The following CAPN11 variants were observed in gnomAD, a reference collection of about 807,000 sequenced individuals.
CAPN11 encodes calpain-11.
In CAPN11, 108 loss-of-function variants were observed where a neutral mutation model predicts 105.3. The ratio of observed to expected loss-of-function variants is 1.03; its 90% CI spans 0.88 to 1.20. The LOEUF (loss-of-function observed/expected upper bound fraction) is 1.20. Among genes scored for constraint, CAPN11 ranks in the 50% most tolerant of loss-of-function variants. CAPN11 has a pLI of 0.00. For missense variants in CAPN11, 883 were observed against 924.8 expected (o/e 0.95, Z 0.59); for synonymous variants, 329 against 344.5 (o/e 0.96, Z 0.50).
chr6:44,172,039 C>A (rs1286529476), intron 4 of CAPN11, among the ~76,000 whole-genome samples: 1 of 152,206 alleles, frequency 6.6e-6, no homozygotes, highest in African/African-American at 2.4e-5. Context: ...GCACTCCAGC[C>A]TGGGTGACAC....
At chr6:44,162,181 C>G (rs111757201) in intron 1 of CAPN11, among the ~76,000 whole-genome samples, 2,072 of 152,156 alleles carry the variant, frequency 0.014, 45 homozygotes, top group African/African-American at 0.046. Flanking sequence ...TTCCACCCAG[C>G]TCAGATGGGA....
Position 44,183,944 on chromosome 6 carries a change from G to A in CAPN11, c.*12G>A. Reference sequence around the variant, plus strand: ...CCATGTGGGGATAGAGGCGCTGTAGGAGCCTGGTCATCTCTACCAGCAGCA... The same window carrying A: ...CCATGTGGGGATAGAGGCGCTGTAGAAGCCTGGTCATCTCTACCAGCAGCA... On this transcript the variant is annotated 3_prime_UTR_variant, in exon 23 of 23. Coordinates refer to ENST00000398776, the MANE Select transcript of CAPN11 (RefSeq NM_007058.4). The A allele has an allele frequency of 6.4e-7, 1 of 1,553,458 alleles. No individual in the cohort carries two copies. The highest frequency in any genetic ancestry group is 1.2e-5 in the South Asian group (1 of 84,186).
chr6:44,172,819 C>G, intron 5 of CAPN11, 121 bp from the exon 6 acceptor site: 1 of 1,179,956 alleles, frequency 8.5e-7, no homozygotes, highest in Non-Finnish European at 1.2e-6. Context: ...TTGCCTTTCC[C>G]TCTCTATTCA....
chr6:44,171,032 G>T lies in CAPN11; in HGVS notation c.409+1057G>T, dbSNP rs566886002. On this transcript the variant is annotated intron_variant, in intron 4 of 22. Coordinates refer to ENST00000398776, the MANE Select transcript of CAPN11 (RefSeq NM_007058.4). ...AGACCCCAGGGCCGCTGCTGTGGCC[G>T]CTGTGGCTCAGTAGGCTGGAGGGAC... is the stretch of plus-strand genomic sequence containing the variant. Among the ~76,000 whole-genome samples the T allele has an allele frequency of 7.9e-5, 12 of 152,306 alleles. No individual in the cohort carries two copies. In the South Asian group the frequency reaches 2.5e-3, roughly 32 times the overall value.
intron 3 of CAPN11, 109 bp from the exon 4 acceptor site, chr6:44,169,797 T>C (rs1270323807): frequency 2.2e-6 from 2 of 920,332 alleles, no homozygotes; most frequent in African/African-American, 3.3e-5. Context: ...CTGCCCCTCA[T>C]ATCTGTTCCC....
At chr6:44,178,386 G>T (rs1255673927) in intron 12 of CAPN11, among the ~76,000 whole-genome samples, 1 of 152,110 alleles carries the variant, frequency 6.6e-6, no homozygotes, top group Non-Finnish European at 1.5e-5. Context: ...AGAAAGCCCT[G>T]ATAAGCATTT....
intron 20 of CAPN11, 22 bp downstream of exon 20, chr6:44,183,041 G>T (rs778955590): frequency 1.2e-6 from 2 of 1,604,374 alleles, no homozygotes; most frequent in Non-Finnish European, 8.5e-7. Context: ...TCAGGAGTGG[G>T]CCTTGGGGCA....
At position 44,180,069 on chromosome 6, in the gene CAPN11, C is replaced by G. The variant is rs1301893514; in HGVS notation, c.1546C>G (p.Pro516Ala). The change falls in exon 14 of 23, where the codon CCG becomes GCG. Residue 516 changes from proline (P) to alanine (A), a missense_variant. Transcript: ENST00000398776. ...REVSSQLRLP[P>A]GEYIIIPSTF... ...GGTGAGCAGCCAACTCCGGCTGCCTCCGGGGGAATATATCATTATTCCCTC... is the reference window on the plus strand; with the variant it reads ...GGTGAGCAGCCAACTCCGGCTGCCTGCGGGGGAATATATCATTATTCCCTC... 3.1e-6 allele frequency: 5 copies of G among 1,613,138 alleles called. No homozygotes were observed. Among genetic ancestry groups the G allele is most frequent in the Non-Finnish European group, 4.2e-6 (5 of 1,179,346 alleles).
At chr6:44,180,223 C>T (rs1055110199) in intron 14 of CAPN11, 60 bp downstream of exon 14, 16 of 1,262,304 alleles carry the variant, frequency 1.3e-5, no homozygotes, top group Non-Finnish European at 1.8e-5. Context: ...GGATATCAAG[C>T]TCAGGGAGCT....
At chr6:44,182,312 C>T (rs1773895071) in intron 19 of CAPN11, among the ~76,000 whole-genome samples, 1 of 126,050 alleles carries the variant, frequency 7.9e-6, no homozygotes, top group African/African-American at 3.2e-5. Flanking sequence ...CACACACACA[C>T]TCACATACAG....
rs768866187 is a variant in CAPN11 at position 44,172,364 on chromosome 6, G to A, written c.472G>A (p.Val158Met). 11 of 1,562,192 alleles carry A rather than the reference G, an allele frequency of 7.0e-6. No individual in the cohort carries two copies. The highest frequency in any genetic ancestry group is 2.4e-5 in the East Asian group (1 of 41,610). The change falls in exon 5 of 23, where the codon GTG (valine) becomes ATG (methionine). Residue 158 changes from valine (V) to methionine (M), a missense_variant. Val to Met is a conservative substitution (Grantham distance 21). Transcript: ENST00000398776. ...CACCTGCCCCAAACTGCTATACCGC[G>A]TGGTGCCCAGAGGACAGAGCTTCAA... ...LTTCPKLLYR[V>M]VPRGQSFKKN...
At chr6:44,161,302 C>T (rs902424253) in intron 1 of CAPN11, among the ~76,000 whole-genome samples, 2 of 151,976 alleles carry the variant, frequency 1.3e-5, no homozygotes, top group African/African-American at 2.4e-5. Flanking sequence ...CGGGTTCAAG[C>T]GATTCTCCTG....
intron 19 of CAPN11, among the ~76,000 whole-genome samples, chr6:44,182,267 CAT>C (rs1212977366): frequency 2.4e-4 from 31 of 130,786 alleles, no homozygotes; most frequent in East Asian, 4.8e-4. Flanking sequence ...CACACACACA[CAT>C]ACAGACACAA....
At position 44,184,219 on chromosome 6, in the gene CAPN11, A is replaced by G; in HGVS notation, c.*287A>G. 2.0e-6 allele frequency: 1 copy of G among 493,996 alleles called. No individual in the cohort carries two copies. 30.6% of individuals were successfully genotyped at this position (493,996 alleles called of 1,614,324 possible). A position where few individuals can be genotyped will look rare whatever the true frequency, so the allele number is the denominator to read the frequency against. ...AGTATATTTTACTAAAGAGTAGTTG[A>G]TGCTTCCCCAGGGTCCCCCTGGCTG... On this transcript the variant is annotated 3_prime_UTR_variant, in exon 23 of 23. Coordinates refer to ENST00000398776, the MANE Select transcript of CAPN11 (RefSeq NM_007058.4).
At chr6:44,171,455 C>T (rs914297805) in intron 4 of CAPN11, among the ~76,000 whole-genome samples, 2 of 152,184 alleles carry the variant, frequency 1.3e-5, no homozygotes, top group African/African-American at 2.4e-5. Context: ...TTCGTGGCCA[C>T]ACCAGTGTAC....
chr6:44,180,716 G>A (rs1166448045), intron 16 of CAPN11, 32 bp from the exon 17 acceptor site: 2 of 1,613,488 alleles, frequency 1.2e-6, no homozygotes, highest in African/African-American at 2.7e-5. Context: ...GGCTGGAGGG[G>A]CCCGAGTGGG....
At chr6:44,173,593 G>GT (rs1771420473) in intron 7 of CAPN11, among the ~76,000 whole-genome samples, 3 of 145,236 alleles carry the variant, frequency 2.1e-5, no homozygotes, top group Admixed American at 6.8e-5. Flanking sequence ...TGTTTGTTTT[G>GT]TTTTTTTGAG....
At chr6:44,171,813 C>A (rs772560004) in intron 4 of CAPN11, among the ~76,000 whole-genome samples, 1 of 152,210 alleles carries the variant, frequency 6.6e-6, no homozygotes, top group Admixed American at 6.5e-5. Flanking sequence ...CACCTGTAAT[C>A]CCAACACTTT....
chr6:44,183,713 C>T lies in CAPN11; in HGVS notation c.2143C>T (p.Leu715=). The T allele has an allele frequency of 6.2e-7, 1 of 1,613,866 alleles. No individual in the cohort carries two copies. The highest frequency in any genetic ancestry group is 8.5e-7 in the Non-Finnish European group (1 of 1,179,818). ...CTTCCTCTGTAACGCAGCATTCTTT[C>T]TAACCATGGACCCCAAGAATACTGG... ...LRLKTMFTFF[L]TMDPKNTGHI... Residue 715 remains leucine, a synonymous_variant, in exon 22 of 23, where the codon CTA becomes TTA. Coordinates refer to ENST00000398776, the MANE Select transcript of CAPN11 (RefSeq NM_007058.4).
Sources: gnomAD v4.1 joint callset for allele counts (sites outside exome capture counted in the v4.1 genomes callset) on GRCh38, gnomAD v4.1.1 for gene constraint, MANE v1.5 for transcripts, NCBI Gene and HGNC (gene_info 2026-07-23, HGNC 2026-07-21) for gene names.